Variants in RNF144A observed in about 807,000 individuals in gnomAD.
RNF144A encodes ring finger protein 144A, also known as E3 ubiquitin-protein ligase RNF144A.
In RNF144A, 11 loss-of-function variants were observed where a neutral mutation model predicts 38.7. The observed-to-expected ratio is 0.28, with a 90% CI of 0.18 to 0.47. The LOEUF (loss-of-function observed/expected upper bound fraction) is 0.47, where lower values mean the gene tolerates loss of function less well. Ranked by LOEUF, RNF144A falls within the 20% of genes least tolerant of loss-of-function variation. RNF144A has a pLI of 0.99. For synonymous variants in RNF144A, 149 were observed against 143.9 expected (o/e 1.04, Z -0.25); for missense variants, 316 against 377.2 (o/e 0.84, Z 1.34).
In RNF144A at chr2:7,042,741, A is replaced by T; in HGVS notation, c.*2981A>T. The T allele has an allele frequency of 1.0e-6, 1 of 985,540 alleles. No individual in the cohort carries two copies. Among genetic ancestry groups the T allele is most frequent in the African/African-American group, 1.7e-5 (1 of 57,368 alleles). The allele number at this position is 985,540 out of a possible 1,614,324, so 61.0% of individuals were successfully genotyped here. A position where few individuals can be genotyped will look rare whatever the true frequency, so the allele number is the denominator to read the frequency against. On this transcript the variant is annotated 3_prime_UTR_variant, in exon 9 of 9. Transcript: ENST00000320892. ...CACCATAGATGTCCACGTAGCAGAGACTGACTTAGGATCTGAGATAAAGCA... is the reference window on the plus strand; with the variant it reads ...CACCATAGATGTCCACGTAGCAGAGTCTGACTTAGGATCTGAGATAAAGCA...
At chr2:6,957,997 T>G (rs1667115813) in intron 2 of RNF144A, among the ~76,000 whole-genome samples, 1 of 152,156 alleles carries the variant, frequency 6.6e-6, no homozygotes, top group African/African-American at 2.4e-5. Flanking sequence ...ATTTGCCCAG[T>G]TAGGCAACGA....
chr2:7,000,870 A>T (rs979757628), intron 3 of RNF144A, among the ~76,000 whole-genome samples: 9 of 150,648 alleles, frequency 6.0e-5, no homozygotes, highest in Non-Finnish European at 5.9e-5. Context: ...TTATATATAT[A>T]TATATAATTT....
intron 2 of RNF144A, among the ~76,000 whole-genome samples, chr2:6,961,951 A>G (rs1475769330): frequency 6.6e-6 from 1 of 152,182 alleles, no homozygotes; most frequent in African/African-American, 2.4e-5. Context: ...TGTCTGGGGT[A>G]ATATCTGAGG....
chr2:7,026,905 G>A (rs1292516724), intron 7 of RNF144A, among the ~76,000 whole-genome samples: 1 of 152,230 alleles, frequency 6.6e-6, no homozygotes, highest in Non-Finnish European at 1.5e-5. Context: ...GCCGTGCAGA[G>A]TTTCCTGTGT....
chr2:6,951,516 G>A (rs1666676437), intron 2 of RNF144A, among the ~76,000 whole-genome samples: 1 of 152,196 alleles, frequency 6.6e-6, no homozygotes. Context: ...TTGTTGGGAA[G>A]TTGCTTGGAT....
rs184396726 is a variant in RNF144A at position 6,936,380 on chromosome 2, T to C, written c.-211-4568T>C. ...ATGCATATATACACACGTATACACA[T>C]ACATGCATCTATAGATGCATGTGTG... On this transcript the variant is annotated intron_variant, in intron 1 of 8. Transcript: ENST00000320892. 2.6e-3 allele frequency among the ~76,000 whole-genome samples: 393 copies of C among 152,322 alleles called. 2 individuals carry two copies. Among genetic ancestry groups the C allele is most frequent in the African/African-American group, 8.8e-3 (365 of 41,570 alleles).
intron 1 of RNF144A, among the ~76,000 whole-genome samples, chr2:6,934,612 A>G (rs956362851): frequency 1.3e-5 from 2 of 152,134 alleles, no homozygotes; most frequent in Non-Finnish European, 2.9e-5. Flanking sequence ...TACTTTTAGC[A>G]TTGTTAGGAA....
chr2:6,975,291 A>G (rs1378728209), intron 2 of RNF144A, among the ~76,000 whole-genome samples: 5 of 152,208 alleles, frequency 3.3e-5, no homozygotes, highest in Admixed American at 2.0e-4. Flanking sequence ...TCACAAGAAC[A>G]GCACGGGAAA....
chr2:6,988,778 C>G (rs905472255), intron 2 of RNF144A, among the ~76,000 whole-genome samples: 1 of 152,208 alleles, frequency 6.6e-6, no homozygotes, highest in Non-Finnish European at 1.5e-5. Flanking sequence ...GAGTTAGGCT[C>G]CACCTCCTTG....
At chr2:6,972,471 C>T (rs889795200) in intron 2 of RNF144A, among the ~76,000 whole-genome samples, 4 of 152,126 alleles carry the variant, frequency 2.6e-5, no homozygotes, top group East Asian at 1.9e-4. Context: ...TTGGGTGGAA[C>T]GGAAATAGCC....
chr2:6,996,487 C>A (rs924625953), intron 2 of RNF144A, among the ~76,000 whole-genome samples: 4 of 152,020 alleles, frequency 2.6e-5, no homozygotes, highest in African/African-American at 2.4e-5. Context: ...CAGGCAGGCA[C>A]CCCTGGTTAA....
At chr2:7,034,544 C>T (rs1005946689) in intron 8 of RNF144A, among the ~76,000 whole-genome samples, 3 of 152,222 alleles carry the variant, frequency 2.0e-5, no homozygotes, top group Non-Finnish European at 4.4e-5. Context: ...CGGGCTGCTA[C>T]GGCACTGAGC....
At chr2:6,955,330 C>T (rs1666933879) in intron 2 of RNF144A, among the ~76,000 whole-genome samples, 1 of 152,108 alleles carries the variant, frequency 6.6e-6, no homozygotes, top group Non-Finnish European at 1.5e-5. Context: ...AGTTTAGCGC[C>T]CCTGTGACCC....
chr2:6,991,737 A>G (rs769691051), intron 2 of RNF144A, among the ~76,000 whole-genome samples: 2 of 152,164 alleles, frequency 1.3e-5, no homozygotes, highest in Non-Finnish European at 2.9e-5. Flanking sequence ...GCAATGTCTG[A>G]TGTACATTTA....
chr2:7,050,974 C>A (rs1673497572), intron 6 of RNF144A, among the ~76,000 whole-genome samples: 1 of 152,246 alleles, frequency 6.6e-6, no homozygotes, highest in East Asian at 1.9e-4. Context: ...AGGGCTTGGA[C>A]TGAAGTTTAG....
At chr2:7,066,218 G>C (rs1310930025) in intron 6 of RNF144A, among the ~76,000 whole-genome samples, 1 of 152,056 alleles carries the variant, frequency 6.6e-6, no homozygotes, top group Non-Finnish European at 1.5e-5. Flanking sequence ...CTCCCGAGTA[G>C]CTGGGACTAC....
Position 6,977,909 on chromosome 2 carries a change from G to T in RNF144A, c.-11-19007G>T, listed in dbSNP as rs115279801. ...AATGAAAGCATAGATGGTAGTGAGTGTCGGGGGGAGCTGTTGGGGAGTTTG... is the reference window on the plus strand; with the variant it reads ...AATGAAAGCATAGATGGTAGTGAGTTTCGGGGGGAGCTGTTGGGGAGTTTG... On this transcript the variant is annotated intron_variant, in intron 2 of 8. Transcript: ENST00000320892. 6.9e-3 allele frequency among the ~76,000 whole-genome samples: 1,058 copies of T among 152,366 alleles called. 14 individuals are homozygous for T. Among genetic ancestry groups the T allele is most frequent in the African/African-American group, 0.024 (1,014 of 41,580 alleles).
chr2:6,955,375 C>G lies in RNF144A; in HGVS notation c.-12+14228C>G, dbSNP rs867897769. On this transcript the variant is annotated intron_variant, in intron 2 of 8. Coordinates refer to ENST00000320892, the MANE Select transcript of RNF144A (RefSeq NM_014746.6). ...AAGGCTTCCCCTCTGTGGTTCCCCT[C>G]TGTGAAACCCACAAGAACATCCTTT... 8.5e-5 allele frequency among the ~76,000 whole-genome samples: 13 copies of G among 152,258 alleles called. No individual in the cohort carries two copies. In the Middle Eastern group the frequency reaches 0.01, roughly 120 times the overall value.
In RNF144A at chr2:6,943,959, A is replaced by G. The variant is rs1666176722; in HGVS notation, c.-12+2812A>G. On this transcript the variant is annotated intron_variant, in intron 2 of 8. Coordinates refer to ENST00000320892, the MANE Select transcript of RNF144A (RefSeq NM_014746.6). The surrounding 1 kb of genome is among the most constrained non-coding windows in gnomAD (Gnocchi z 4.3). ...TGAAAGAGCCACTCTGGGTGACTGC[A>G]TGCTTCTCTAGACAGCCCTGATGGG... Among the ~76,000 whole-genome samples, 1 of 152,182 alleles carries G rather than the reference A, an allele frequency of 6.6e-6. No individual in the cohort carries two copies. Among genetic ancestry groups the G allele is most frequent in the African/African-American group, 2.4e-5 (1 of 41,454 alleles).
Sources: allele counts gnomAD v4.1 joint callset (sites outside exome capture counted in the v4.1 genomes callset), GRCh38; gene constraint gnomAD v4.1.1; non-coding constraint Gnocchi (gnomAD v3.1); transcripts MANE v1.5; gene names NCBI Gene and HGNC (gene_info 2026-07-23, HGNC 2026-07-21).